The following OPRK1 variants were observed in gnomAD, a reference collection of about 807,000 sequenced individuals.
OPRK1 encodes kappa-type opioid receptor.
OPRK1 carries 15 observed loss-of-function variants against 24.5 expected under a neutral mutation model. The ratio of observed to expected loss-of-function variants is 0.61; its 90% CI spans 0.41 to 0.94. OPRK1 has a LOEUF of 0.94. OPRK1 is among the 40% of genes least tolerant of loss of function. The probability of loss-of-function intolerance (pLI) is 0.00; values close to 1 mark genes in which losing one functional copy is unlikely to be tolerated. For synonymous variants in OPRK1, 205 were observed against 198.0 expected, an observed-to-expected ratio of 1.04 and a Z score of -0.30; for missense variants, 479 against 507.3, an observed-to-expected ratio of 0.94 and a Z score of 0.54.
At chr8:53,243,531 T>TTC (rs144777228) in intron 2 of OPRK1, among the ~76,000 whole-genome samples, 1 of 151,912 alleles carries the variant, frequency 6.6e-6, no homozygotes, top group Non-Finnish European at 1.5e-5. Flanking sequence ...CTTGCTCTCT[T>TTC]TCTCTCTCTC....
chr8:53,232,478 C>G (rs1161472810), intron 3 of OPRK1, among the ~76,000 whole-genome samples: 1 of 152,116 alleles, frequency 6.6e-6, no homozygotes, highest in Non-Finnish European at 1.5e-5. Context: ...ACATTGTATG[C>G]TTGTATCAAA....
At chr8:53,240,794 C>T (rs1190166024) in intron 2 of OPRK1, among the ~76,000 whole-genome samples, 1 of 152,060 alleles carries the variant, frequency 6.6e-6, no homozygotes, top group Non-Finnish European at 1.5e-5. Flanking sequence ...TACTGTATTG[C>T]TTATCTTGAA....
In OPRK1 at chr8:53,241,156, C is replaced by T. The variant is rs117917959; in HGVS notation, c.258-6045G>A. On this transcript the variant is annotated intron_variant, in intron 2 of 3. Coordinates refer to ENST00000265572, the MANE Select transcript of OPRK1 (RefSeq NM_000912.5). ...GGGGTATATGGGAACTGTAACTTCCCTTCCATTTTTCTGTGAAGTTAAAAC... is the reference window on the plus strand; with the variant it reads ...GGGGTATATGGGAACTGTAACTTCCTTTCCATTTTTCTGTGAAGTTAAAAC... 6.9e-3 allele frequency among the ~76,000 whole-genome samples: 1,053 copies of T among 152,202 alleles called. 6 individuals carry two copies. Among genetic ancestry groups the T allele is most frequent in the Non-Finnish European group, 0.01 (712 of 68,018 alleles).
chr8:53,229,929 A>G, intron 3 of OPRK1, 100 bp from the exon 4 acceptor site: 1 of 1,091,856 alleles, frequency 9.2e-7, no homozygotes. Context: ...TTTTATTGCA[A>G]TGGTCCAATT....
intron 2 of OPRK1, chr8:53,243,043 A>G: frequency 9.2e-7 from 1 of 1,084,502 alleles, no homozygotes; most frequent in Non-Finnish European, 1.2e-6. Flanking sequence ...GAAAGGGAAA[A>G]AAAGGGACTG....
Position 53,229,593 on chromosome 8 carries a change from A to G in OPRK1, c.847T>C (p.Phe283Leu). The stretch of plus-strand genomic sequence containing the variant: ...TGAATGGGAGTCCAGCAGACGACGA[A>G]GACTGCCACCACCACCAGGACCAGT... Reference protein sequence around the residue: ...TRLVLVVVAVFVVCWTPIHIF... With the variant: ...TRLVLVVVAVLVVCWTPIHIF... The change falls in exon 4 of 4, where the codon TTC becomes CTC. Residue 283 changes from phenylalanine (F) to leucine (L), a missense_variant. Phe to Leu is a conservative substitution (Grantham distance 22). Transcript: ENST00000265572. 1.9e-6 allele frequency: 3 copies of G among 1,614,120 alleles called. No homozygotes were observed. The highest frequency in any genetic ancestry group is 2.5e-6 in the Non-Finnish European group (3 of 1,180,002).
At position 53,250,906 on chromosome 8, in the gene OPRK1, CG is replaced by C. The variant is rs1481332734; in HGVS notation, c.131del (p.Ser44TrpfsTer25). 1.6e-5 allele frequency: 25 copies of C among 1,611,058 alleles called. No individual in the cohort carries two copies. Among genetic ancestry groups the C allele is most frequent in the Non-Finnish European group, 2.0e-5 (24 of 1,179,160 alleles). On this transcript the variant is annotated frameshift_variant, in exon 2 of 4. Transcript: ENST00000265572. LOFTEE classifies it high-confidence loss of function. ...GCGCGGGCTCCAGCTGCGCGTCCTC[CG>C]AGCCGGCGCTGCCGTTGCTGTCGGG... ...AEPDSNGSAGSEDAQLEPAHI... is the reference protein window; with the variant it reads ...AEPDSNGSAGXEDAQLEPAHI...
Position 53,234,488 on chromosome 8 carries a change from C to T in OPRK1, c.610+271G>A, listed in dbSNP as rs985771028. 2.0e-5 allele frequency among the ~76,000 whole-genome samples: 3 copies of T among 152,170 alleles called. No individual in the cohort carries two copies. In the East Asian group the frequency reaches 5.8e-4, roughly 29 times the overall value. ...ACATGCCTGTGGTTTCTTACCTCAT[C>T]CTCACCCCTCCACTTTCTACTAAAC... On this transcript the variant is annotated intron_variant, in intron 3 of 3. Coordinates refer to ENST00000265572, the MANE Select transcript of OPRK1 (RefSeq NM_000912.5).
At chr8:53,238,523 G>A in intron 2 of OPRK1, 1 of 985,460 alleles carries the variant, frequency 1.0e-6, no homozygotes, top group Non-Finnish European at 1.2e-6. Context: ...CTTACCTGGG[G>A]AACTTGAGTT....
In OPRK1 at chr8:53,229,818, T is replaced by A. The variant is rs1806811351; in HGVS notation, c.622A>T (p.Ile208Phe). 6.4e-7 allele frequency: 1 copy of A among 1,562,558 alleles called. No homozygotes were observed. Among genetic ancestry groups the A allele is most frequent in the Admixed American group, 1.9e-5 (1 of 51,740 alleles). The change falls in exon 4 of 4, where the codon ATT becomes TTT. Residue 208 changes from isoleucine (I) to phenylalanine (F), a missense_variant. By Grantham distance (21) the Ile-to-Phe change is conservative. Transcript: ENST00000265572. The part of the protein sequence containing the change: ...GTKVREDVDV[I>F]ECSLQFPDDD... The stretch of plus-strand genomic sequence containing the variant: ...TCTGGGAACTGCAAGGAGCACTCAA[T>A]GACATCGACGTCTGGAGGAGGGCAA...
At chr8:53,249,385 C>A (rs1331620440) in intron 2 of OPRK1, among the ~76,000 whole-genome samples, 1 of 152,094 alleles carries the variant, frequency 6.6e-6, no homozygotes, top group Non-Finnish European at 1.5e-5. Flanking sequence ...TTAGTGGAGG[C>A]CAGCCCTGAG....
At chr8:53,233,386 AACCTAAAACT>A (rs2128808289) in intron 3 of OPRK1, among the ~76,000 whole-genome samples, 1 of 152,302 alleles carries the variant, frequency 6.6e-6, no homozygotes, top group South Asian at 2.1e-4. Context: ...TTTTGCTGTG[AACCTAAAACT>A]GTAAACTGAA....
At chr8:53,235,936 A>G (rs1166022804) in intron 2 of OPRK1, among the ~76,000 whole-genome samples, 1 of 152,244 alleles carries the variant, frequency 6.6e-6, no homozygotes, top group Non-Finnish European at 1.5e-5. Context: ...AGACTGAGTT[A>G]AGAGGGTTGT....
intron 2 of OPRK1, among the ~76,000 whole-genome samples, chr8:53,247,045 G>A (rs1252127765): frequency 6.6e-6 from 1 of 152,228 alleles, no homozygotes; most frequent in Non-Finnish European, 1.5e-5. Context: ...ATAGGAATAA[G>A]GAAGGTAGGT....
At chr8:53,242,999 C>T (rs1807151718) in intron 2 of OPRK1, 2 of 1,231,558 alleles carry the variant, frequency 1.6e-6, no homozygotes, top group Middle Eastern at 2.3e-4. Flanking sequence ...ATAAGCCTTC[C>T]TTATCCAAGA....
At chr8:53,233,411 A>C (rs1806904010) in intron 3 of OPRK1, among the ~76,000 whole-genome samples, 1 of 152,198 alleles carries the variant, frequency 6.6e-6, no homozygotes. Context: ...ACTGAAACCT[A>C]ACTAGATTAA....
In OPRK1 at chr8:53,229,624, G is replaced by A. The variant is rs866515014; in HGVS notation, c.816C>T (p.Ile272=). 1.2e-6 allele frequency: 2 copies of A among 1,614,100 alleles called. No homozygotes were observed. Among genetic ancestry groups the A allele is most frequent in the Non-Finnish European group, 1.7e-6 (2 of 1,179,982 alleles). The change falls in exon 4 of 4, where the codon ATC becomes ATT. Residue 272 remains isoleucine (I), a synonymous_variant. Coordinates refer to ENST00000265572, the MANE Select transcript of OPRK1 (RefSeq NM_000912.5). ...SREKDRNLRR[I]TRLVLVVVAV... is the part of the protein sequence containing the mutation. Reference sequence around the variant, plus strand: ...CCACCACCACCAGGACCAGTCTGGTGATCCTACGCAGGTTGCGATCTTTCT... The same window carrying A: ...CCACCACCACCAGGACCAGTCTGGTAATCCTACGCAGGTTGCGATCTTTCT...
At position 53,250,955 on chromosome 8, in the gene OPRK1, G is replaced by T. The variant is rs749953594; in HGVS notation, c.83C>A (p.Ala28Asp). 12 of 1,609,524 alleles carry T rather than the reference G, an allele frequency of 7.5e-6. No individual in the cohort carries two copies. The highest frequency in any genetic ancestry group is 1.6e-4 in the Middle Eastern group (1 of 6,064). ...PSACLPPNSS[A>D]WFPGWAEPDS... ...GGGCTCGGCCCAGCCGGGAAACCAG[G>T]CGCTGCTGTTGGGGGGCAGGCAGGC... The change falls in exon 2 of 4, where the codon GCC becomes GAC. Residue 28 changes from alanine (A) to aspartate (D), a missense_variant. Coordinates refer to ENST00000265572, the MANE Select transcript of OPRK1 (RefSeq NM_000912.5).
chr8:53,230,021 A>G (rs1338340704), intron 3 of OPRK1, among the ~76,000 whole-genome samples, 192 bp from the exon 4 acceptor site: 1 of 152,028 alleles, frequency 6.6e-6, no homozygotes, highest in Non-Finnish European at 1.5e-5. Context: ...ATCTTTGTGC[A>G]TGGAACAATG....
Sources: allele counts gnomAD v4.1 joint callset (sites outside exome capture counted in the v4.1 genomes callset), GRCh38; gene constraint gnomAD v4.1.1; transcripts MANE v1.5; gene names NCBI Gene and HGNC (gene_info 2026-07-23, HGNC 2026-07-21).